EPHA7: variants seen among roughly 807,000 people sequenced by gnomAD.
EPHA7 encodes EPH receptor A7.
A neutral mutation model predicts 112.6 loss-of-function variants in EPHA7; 25 were observed. The ratio of observed to expected loss-of-function variants is 0.22; its 90% CI spans 0.16 to 0.31. The LOEUF is 0.31. EPHA7 is among the 10% of genes least tolerant of loss of function. The pLI is 1.00. For synonymous variants in EPHA7, 437 were observed against 406.5 expected (o/e 1.07, Z -0.90); for missense variants, 962 against 1,212.6 (o/e 0.79, Z 3.07).
intron 5 of EPHA7, among the ~76,000 whole-genome samples, chr6:93,294,356 A>G (rs534661048): frequency 1.3e-5 from 2 of 152,174 alleles, no homozygotes; most frequent in African/African-American, 2.4e-5. Context: ...GTGACAAGGT[A>G]GTCTAAATTT....
rs558314638 is a variant in EPHA7 at position 93,400,825 on chromosome 6, G to A, written c.832+9676C>T. ...ACTGCTGGGATTACAGGCATCAGCC[G>A]CTGTGCCTACCAAGAATGATTTCTT... On this transcript the variant is annotated intron_variant, in intron 3 of 16. Transcript: ENST00000369303. Among the ~76,000 whole-genome samples the A allele has an allele frequency of 1.2e-4, 19 of 152,064 alleles. No homozygotes were observed. The South Asian group carries it at 2.9e-3, about 23-fold the overall frequency.
chr6:93,363,560 TAAC>T (rs1195548866), intron 3 of EPHA7, among the ~76,000 whole-genome samples: 1 of 152,132 alleles, frequency 6.6e-6, no homozygotes, highest in Non-Finnish European at 1.5e-5. Flanking sequence ...ACCAAAAAGA[TAAC>T]AAGTGTTGGT....
chr6:93,271,099 A>G (rs1474268506), intron 6 of EPHA7, among the ~76,000 whole-genome samples: 2 of 151,830 alleles, frequency 1.3e-5, no homozygotes, highest in African/African-American at 4.8e-5. Flanking sequence ...GAAAACAGAT[A>G]TACCAAAACC....
intron 5 of EPHA7, among the ~76,000 whole-genome samples, chr6:93,307,740 C>T (rs1346695037): frequency 2.0e-5 from 3 of 152,084 alleles, no homozygotes; most frequent in Admixed American, 1.3e-4. Context: ...AATCATTATG[C>T]TTATGTTTTA....
At chr6:93,411,874 T>C (rs569842504) in intron 2 of EPHA7, among the ~76,000 whole-genome samples, 261 of 152,212 alleles carry the variant, frequency 1.7e-3, no homozygotes, top group Non-Finnish European at 2.6e-3. Flanking sequence ...CAAATCTGCA[T>C]GCTGGATCAT....
At chr6:93,350,844 G>A (rs971071182) in intron 5 of EPHA7, among the ~76,000 whole-genome samples, 1 of 151,836 alleles carries the variant, frequency 6.6e-6, no homozygotes, top group African/African-American at 2.4e-5. Context: ...TTACTTTCCT[G>A]TTCAAAAACA....
chr6:93,398,251 T>G (rs1241239815), intron 3 of EPHA7, among the ~76,000 whole-genome samples: 1 of 151,934 alleles, frequency 6.6e-6, no homozygotes. Flanking sequence ...AAAATAAAGA[T>G]TAAGAACTTT....
chr6:93,334,542 T>C (rs1052442264), intron 5 of EPHA7, among the ~76,000 whole-genome samples: 1 of 151,988 alleles, frequency 6.6e-6, no homozygotes, highest in African/African-American at 2.4e-5. Flanking sequence ...ACTAATTTTA[T>C]ATTTCTAAAG....
chr6:93,270,030 CTTAAG>C (rs1771135493), intron 6 of EPHA7, among the ~76,000 whole-genome samples: 1 of 151,532 alleles, frequency 6.6e-6, no homozygotes, highest in Non-Finnish European at 1.5e-5. Context: ...ATGTAGTTCT[CTTAAG>C]TTTTTTCTGA....
At chr6:93,339,490 A>G (rs956147756) in intron 5 of EPHA7, among the ~76,000 whole-genome samples, 84 of 151,928 alleles carry the variant, frequency 5.5e-4, no homozygotes, top group African/African-American at 1.9e-3. Flanking sequence ...TATTTTATAA[A>G]ACATTTTTTC....
At chr6:93,368,875 T>C (rs982002734) in intron 3 of EPHA7, among the ~76,000 whole-genome samples, 3 of 152,050 alleles carry the variant, frequency 2.0e-5, no homozygotes, top group Non-Finnish European at 4.4e-5. Context: ...TACTAAGTCT[T>C]GTGAAGCAAA....
chr6:93,327,156 T>A (rs1174867481), intron 5 of EPHA7, among the ~76,000 whole-genome samples: 2 of 151,622 alleles, frequency 1.3e-5, no homozygotes, highest in Non-Finnish European at 3.0e-5. Flanking sequence ...ACTAGACTCA[T>A]ACTGAATTGA....
chr6:93,380,723 C>A (rs944747761), intron 3 of EPHA7, among the ~76,000 whole-genome samples: 1 of 152,052 alleles, frequency 6.6e-6, no homozygotes, highest in Admixed American at 6.6e-5. Flanking sequence ...CAGAACCTCA[C>A]AGTAGATTAA....
In EPHA7 at chr6:93,241,417, T is replaced by G. The variant is rs1167081310; in HGVS notation, c.*2009A>C. 4.7e-6 allele frequency: 1 copy of G among 212,554 alleles called. No individual in the cohort carries two copies. The allele number at this position is 212,554 out of a possible 1,614,324, so 13.2% of individuals were successfully genotyped here. A position where few individuals can be genotyped will look rare whatever the true frequency, so the allele number is the denominator to read the frequency against. ...ACTGAAAAATAACCCTCAAGCACAT[T>G]GTGTTATAGTTCCAAAAATATATTT... On this transcript the variant is annotated 3_prime_UTR_variant, in exon 17 of 17. Coordinates refer to ENST00000369303, the MANE Select transcript of EPHA7 (RefSeq NM_004440.4).
At position 93,243,250 on chromosome 6, in the gene EPHA7, T is replaced by C. The variant is rs1278271241; in HGVS notation, c.*176A>G. 6.7e-6 allele frequency: 3 copies of C among 449,928 alleles called. No homozygotes were observed. Among genetic ancestry groups the C allele is most frequent in the Non-Finnish European group, 1.2e-5 (3 of 254,036 alleles). The allele number at this position is 449,928 out of a possible 1,614,324, so 27.9% of individuals were successfully genotyped here. A position where few individuals can be genotyped will look rare whatever the true frequency, so the allele number is the denominator to read the frequency against. On this transcript the variant is annotated 3_prime_UTR_variant, in exon 17 of 17. Coordinates refer to ENST00000369303, the MANE Select transcript of EPHA7 (RefSeq NM_004440.4). ...CGATGGTGGATCCTAAATTCCCTTT[T>C]TATATATTCTGGTGGCACTTAGGAG...
At chr6:93,381,981 C>T (rs1777357671) in intron 3 of EPHA7, among the ~76,000 whole-genome samples, 1 of 152,130 alleles carries the variant, frequency 6.6e-6, no homozygotes, top group South Asian at 2.1e-4. Context: ...AATGTGTTCA[C>T]AAACATTGCT....
At chr6:93,352,253 G>A (rs138214868) in intron 5 of EPHA7, among the ~76,000 whole-genome samples, 3 of 152,172 alleles carry the variant, frequency 2.0e-5, no homozygotes, top group Admixed American at 6.6e-5. Context: ...CAGAGTGAAT[G>A]AAGTATTAAA....
intron 5 of EPHA7, among the ~76,000 whole-genome samples, chr6:93,332,510 A>T (rs1391801737): frequency 6.6e-6 from 1 of 151,478 alleles, no homozygotes; most frequent in African/African-American, 2.4e-5. Context: ...TTTTATATGC[A>T]ATTTATAGGA....
chr6:93,247,139 A>C (rs760511066), intron 14 of EPHA7, among the ~76,000 whole-genome samples, 154 bp from the exon 15 acceptor site: 3 of 152,218 alleles, frequency 2.0e-5, no homozygotes, highest in Non-Finnish European at 4.4e-5. Flanking sequence ...ATGAATATTA[A>C]GCATGTTATT....
Sources: gnomAD v4.1 joint callset for allele counts (sites outside exome capture counted in the v4.1 genomes callset) on GRCh38, gnomAD v4.1.1 for gene constraint, MANE v1.5 for transcripts, NCBI Gene and HGNC (gene_info 2026-07-23, HGNC 2026-07-21) for gene names.